Variants in ELP4 observed in about 807,000 individuals in gnomAD.
The protein encoded by ELP4 is elongator complex protein 4.
ELP4 carries 51 observed loss-of-function variants against 48.9 expected under a neutral mutation model. The ratio of observed to expected loss-of-function variants is 1.04; its 90% CI spans 0.83 to 1.32. The LOEUF is 1.32. ELP4 is among the 40% of genes most tolerant of loss of function. The pLI is 0.00. For missense variants in ELP4, 519 were observed against 514.6 expected, an observed-to-expected ratio of 1.01 and a Z score of -0.08; for synonymous variants, 210 against 189.2, an observed-to-expected ratio of 1.11 and a Z score of -0.90.
chr11:31,510,079 TTGACCCCACATCTCTTTC>T, intron 1 of ELP4, 72 bp downstream of exon 1: 1 of 1,407,060 alleles, frequency 7.1e-7, no homozygotes, highest in Non-Finnish European at 9.8e-7. Context: ...GGAAGCCACT[TTGACCCCACATCTCTTTC>T]TGACCCCTAA....
chr11:31,614,596 A>G (rs1474812668), intron 5 of ELP4, among the ~76,000 whole-genome samples: 1 of 152,210 alleles, frequency 6.6e-6, no homozygotes, highest in Non-Finnish European at 1.5e-5. Context: ...CAAAGGGGAA[A>G]AGAATAATTT....
At chr11:31,761,644 A>C (rs973551068) in intron 9 of ELP4, among the ~76,000 whole-genome samples, 2 of 152,218 alleles carry the variant, frequency 1.3e-5, no homozygotes, top group African/African-American at 4.8e-5. Context: ...AGATATATTA[A>C]AGAAAATTGA....
chr11:31,641,849 A>G (rs1945105015), intron 7 of ELP4, among the ~76,000 whole-genome samples: 1 of 151,928 alleles, frequency 6.6e-6, no homozygotes. Context: ...TTAACCTGCT[A>G]CTGCATCACA....
chr11:31,589,846 A>T (rs1313742069), intron 3 of ELP4, among the ~76,000 whole-genome samples: 1 of 152,190 alleles, frequency 6.6e-6, no homozygotes, highest in Non-Finnish European at 1.5e-5. Context: ...CATCTTTATC[A>T]GTGTTAAACT....
chr11:31,678,183 A>G (rs1264224361), intron 9 of ELP4, among the ~76,000 whole-genome samples: 1 of 152,140 alleles, frequency 6.6e-6, no homozygotes, highest in Non-Finnish European at 1.5e-5. Context: ...ACAGTGGCTC[A>G]TGCCTATAAT....
At chr11:31,512,852 A>T (rs1461611157) in intron 1 of ELP4, among the ~76,000 whole-genome samples, 1 of 137,488 alleles carries the variant, frequency 7.3e-6, no homozygotes, top group Non-Finnish European at 1.5e-5. Context: ...ATACTCCATC[A>T]TAGAACCATA....
At chr11:31,634,898 T>A (rs574421740) in intron 7 of ELP4, among the ~76,000 whole-genome samples, 28 of 152,082 alleles carry the variant, frequency 1.8e-4, no homozygotes, top group Admixed American at 3.3e-4. Flanking sequence ...TGTCTTTTTT[T>A]AAAAAACTGC....
chr11:31,707,166 C>G (rs1256516186), intron 9 of ELP4: 1 of 392,850 alleles, frequency 2.5e-6, no homozygotes, highest in African/African-American at 2.1e-5. Context: ...TACTATTCTT[C>G]ATAGTTGCTG....
At chr11:31,651,576 T>A (rs1341847066) in intron 9 of ELP4, 2 of 151,834 alleles carry the variant, frequency 1.3e-5, no homozygotes, top group African/African-American at 4.8e-5. Context: ...TCAGCTTTTC[T>A]GACAGAATAC....
intron 9 of ELP4, among the ~76,000 whole-genome samples, chr11:31,750,018 G>C (rs923327808): frequency 6.6e-6 from 1 of 151,514 alleles, no homozygotes; most frequent in Non-Finnish European, 1.5e-5. Context: ...ACCGTGCCCA[G>C]CTAATTTTTT....
chr11:31,714,684 G>A (rs1490233566), intron 9 of ELP4: 1 of 398,440 alleles, frequency 2.5e-6, no homozygotes, highest in Non-Finnish European at 4.4e-6. Flanking sequence ...ATGGTCCAAG[G>A]AAGAAGCTAT....
intron 9 of ELP4, among the ~76,000 whole-genome samples, chr11:31,730,089 A>G (rs1310197377): frequency 6.6e-6 from 1 of 152,230 alleles, no homozygotes; most frequent in Non-Finnish European, 1.5e-5. Context: ...AGGCAAGTGC[A>G]AAATTAGCCA....
At chr11:31,517,761 C>G (rs1055614929) in intron 1 of ELP4, among the ~76,000 whole-genome samples, 7 of 151,838 alleles carry the variant, frequency 4.6e-5, no homozygotes, top group Non-Finnish European at 1.0e-4. Flanking sequence ...GGACTACAGG[C>G]GGCAGCCACC....
At chr11:31,597,262 A>G (rs1453780301) in intron 4 of ELP4, among the ~76,000 whole-genome samples, 1 of 152,204 alleles carries the variant, frequency 6.6e-6, no homozygotes, top group Admixed American at 6.5e-5. Flanking sequence ...CTAGCTAAAT[A>G]AATTATGGTA....
At chr11:31,747,778 G>A (rs1947629224) in intron 9 of ELP4, among the ~76,000 whole-genome samples, 1 of 152,198 alleles carries the variant, frequency 6.6e-6, no homozygotes, top group African/African-American at 2.4e-5. Context: ...GAACTTGGCT[G>A]CTTCTCTTTG....
At chr11:31,523,289 G>T (rs1225508098) in intron 2 of ELP4, among the ~76,000 whole-genome samples, 1 of 152,134 alleles carries the variant, frequency 6.6e-6, no homozygotes, top group Non-Finnish European at 1.5e-5. Flanking sequence ...TTAGTTCAGT[G>T]TTTAGGAGCC....
chr11:31,691,695 G>A (rs545271280), intron 9 of ELP4, among the ~76,000 whole-genome samples: 4 of 152,200 alleles, frequency 2.6e-5, no homozygotes, highest in African/African-American at 9.6e-5. Context: ...AAAGGACATA[G>A]TTTATGACTG....
chr11:31,767,156 A>G (rs957583336), intron 9 of ELP4: 1 of 152,174 alleles, frequency 6.6e-6, no homozygotes, highest in Non-Finnish European at 1.5e-5. Flanking sequence ...AACAATTACA[A>G]AATCAATTCC....
intron 7 of ELP4, among the ~76,000 whole-genome samples, chr11:31,645,006 A>T (rs1483411233): frequency 6.6e-6 from 1 of 151,802 alleles, no homozygotes. Context: ...CTGGTCTGCC[A>T]CATTATACAA....
Sources: allele counts gnomAD v4.1 joint callset (sites outside exome capture counted in the v4.1 genomes callset), GRCh38; gene constraint gnomAD v4.1.1; transcripts MANE v1.5; gene names NCBI Gene and HGNC (gene_info 2026-07-23, HGNC 2026-07-21).